Variants in GDPD1 observed in about 807,000 individuals in gnomAD.
GDPD1 encodes the protein glycerophosphodiester phosphodiesterase domain containing 1.
A neutral mutation model predicts 45.1 loss-of-function variants in GDPD1; 28 were observed. The ratio of observed to expected loss-of-function variants is 0.62; its 90% CI spans 0.46 to 0.85. GDPD1 has a LOEUF of 0.85. GDPD1 is among the 40% of genes least tolerant of loss of function. GDPD1 has a pLI of 0.00. For synonymous variants in GDPD1, 139 were observed against 131.4 expected, an observed-to-expected ratio of 1.06 and a Z score of -0.40; for missense variants, 256 against 364.8, an observed-to-expected ratio of 0.70 and a Z score of 2.43.
chr17:59,242,497 A>C (rs2047182419), intron 2 of GDPD1, among the ~76,000 whole-genome samples: 1 of 152,232 alleles, frequency 6.6e-6, no homozygotes, highest in African/African-American at 2.4e-5. Flanking sequence ...ATTCCTACTC[A>C]TCTCACTTAT....
chr17:59,234,671 ATTTC>A (rs2047118401), intron 2 of GDPD1, 137 bp downstream of exon 2: 1 of 641,662 alleles, frequency 1.6e-6, no homozygotes, highest in Non-Finnish European at 2.7e-6. Flanking sequence ...TTTTGTTAAA[ATTTC>A]TTTTTTTAAT....
At chr17:59,229,341 A>G (rs1345808637) in intron 1 of GDPD1, among the ~76,000 whole-genome samples, 2 of 149,894 alleles carry the variant, frequency 1.3e-5, no homozygotes, top group South Asian at 2.1e-4. Flanking sequence ...TTTTTGACAC[A>G]GAAGTGCCTG....
intron 1 of GDPD1, among the ~76,000 whole-genome samples, chr17:59,231,117 C>T (rs1028612684): frequency 5.3e-5 from 8 of 152,190 alleles, no homozygotes; most frequent in East Asian, 1.9e-4. Flanking sequence ...ACCAGCGGCT[C>T]GTGCTCACTG....
At chr17:59,262,897 G>A (rs2047368842) in intron 6 of GDPD1, among the ~76,000 whole-genome samples, 1 of 151,954 alleles carries the variant, frequency 6.6e-6, no homozygotes, top group Non-Finnish European at 1.5e-5. Context: ...CACAGTGCTG[G>A]GATTACAGGC....
intron 2 of GDPD1, among the ~76,000 whole-genome samples, chr17:59,244,900 G>A (rs963070061): frequency 1.3e-5 from 2 of 152,118 alleles, no homozygotes; most frequent in African/African-American, 4.8e-5. Context: ...GTAGGCTGAG[G>A]CAGGAGGATC....
chr17:59,265,531 T>A (rs990918609), intron 6 of GDPD1, among the ~76,000 whole-genome samples: 1 of 151,474 alleles, frequency 6.6e-6, no homozygotes, highest in African/African-American at 2.4e-5. Flanking sequence ...CGAGACCCTG[T>A]CTAATATATA....
intron 4 of GDPD1, among the ~76,000 whole-genome samples, chr17:59,249,935 A>G (rs531201315): frequency 1.8e-4 from 27 of 152,260 alleles, no homozygotes; most frequent in African/African-American, 6.3e-4. Flanking sequence ...CTCTAGTCCC[A>G]GCTACTTGGG....
At chr17:59,232,460 A>T (rs2047098847) in intron 1 of GDPD1, among the ~76,000 whole-genome samples, 1 of 152,176 alleles carries the variant, frequency 6.6e-6, no homozygotes, top group Non-Finnish European at 1.5e-5. Flanking sequence ...AAAAAAAAAA[A>T]AAAAATTTGT....
intron 2 of GDPD1, among the ~76,000 whole-genome samples, chr17:59,237,273 AAGCTGTAGTCAC>A (rs1411507948): frequency 1.3e-5 from 2 of 152,046 alleles, no homozygotes; most frequent in African/African-American, 4.8e-5. Context: ...GTGGTGGTGC[AAGCTGTAGTCAC>A]AGCTACTCTG....
Position 59,220,648 on chromosome 17 carries a change from A to G in GDPD1, c.39A>G (p.Leu13=), listed in dbSNP as rs2046996285. 2.5e-6 allele frequency: 4 copies of G among 1,614,110 alleles called. No homozygotes were observed. In the Middle Eastern group the frequency reaches 6.6e-4, roughly 266 times the overall value. ...CGGCTTTTTACCTTCTCTCTACGCT[A>G]GGAGGATACTTGGTGACCTCATTCT... The part of the protein sequence containing the change: ...STAAFYLLST[L]GGYLVTSFLL... The change falls in exon 1 of 10, where the codon CTA becomes CTG. Residue 13 remains leucine, a synonymous_variant. Transcript: ENST00000284116.
At chr17:59,235,172 A>G (rs1404103343) in intron 2 of GDPD1, among the ~76,000 whole-genome samples, 1 of 152,258 alleles carries the variant, frequency 6.6e-6, no homozygotes, top group South Asian at 2.1e-4. Flanking sequence ...TGAAAAATAA[A>G]GCAAAGGATG....
At chr17:59,225,009 C>G (rs1432058712) in intron 1 of GDPD1, among the ~76,000 whole-genome samples, 1 of 151,364 alleles carries the variant, frequency 6.6e-6, no homozygotes, top group Admixed American at 6.6e-5. Context: ...TCTTTTCATA[C>G]ATTATTTTAT....
chr17:59,272,277 AC>A (rs1223932373), intron 8 of GDPD1, among the ~76,000 whole-genome samples: 4 of 152,198 alleles, frequency 2.6e-5, no homozygotes, highest in African/African-American at 9.6e-5. Context: ...GTTACTTGGA[AC>A]AAAAAAATAT....
intron 6 of GDPD1, among the ~76,000 whole-genome samples, chr17:59,258,551 C>G (rs1486883848): frequency 6.6e-6 from 1 of 151,896 alleles, no homozygotes; most frequent in Non-Finnish European, 1.5e-5. Flanking sequence ...TCAAAAAAAA[C>G]AAACAAACAC....
In GDPD1 at chr17:59,263,076, A is replaced by G. The variant is rs115065926; in HGVS notation, c.577-3965A>G. ...GTAGTCTAATGAACAGTAAGGTACC[A>G]ATGTCAATTCCAGGTCTTGATACTA... On this transcript the variant is annotated intron_variant, in intron 6 of 9. Coordinates refer to ENST00000284116, the MANE Select transcript of GDPD1 (RefSeq NM_182569.4). Among the ~76,000 whole-genome samples the G allele has an allele frequency of 3.1e-3, 476 of 152,318 alleles. 4 individuals are homozygous for G. The highest frequency in any genetic ancestry group is 0.011 in the African/African-American group (455 of 41,588).
rs2047116454 is a variant in GDPD1 at position 59,234,463 on chromosome 17, A to G, written c.143-29A>G. The G allele has an allele frequency of 2.0e-5, 28 of 1,413,816 alleles. No homozygotes were observed. In the East Asian group the frequency reaches 6.1e-4, roughly 31 times the overall value. 87.6% of individuals were successfully genotyped at this position (1,413,816 alleles called of 1,614,324 possible). The stretch of plus-strand genomic sequence containing the variant: ...CTTCAGGAAAATTAAAATGTTCAAA[A>G]TAAGTAAATATAGTTTAAATTTTCA... On this transcript the variant is annotated intron_variant, in intron 1 of 9. Transcript: ENST00000284116.
intron 1 of GDPD1, among the ~76,000 whole-genome samples, chr17:59,230,845 A>G (rs182451711): frequency 6.8e-4 from 103 of 152,338 alleles, no homozygotes; most frequent in African/African-American, 2.0e-3. Flanking sequence ...CTGATGAAAC[A>G]ACACTCTTTT....
rs1568335075 is a variant in GDPD1 at position 59,220,763 on chromosome 17, C to A, written c.142+12C>A. On this transcript the variant is annotated intron_variant, in intron 1 of 9. Coordinates refer to ENST00000284116, the MANE Select transcript of GDPD1 (RefSeq NM_182569.4). ...CTCTCACCGCGGAGGTGAGAGGGGT[C>A]CCCAGAACCCGATGACGGAGGTGGG... 2 of 1,607,948 alleles carry A rather than the reference C, an allele frequency of 1.2e-6. No homozygotes were observed. The highest frequency in any genetic ancestry group is 1.3e-5 in the African/African-American group (1 of 74,920).
In GDPD1 at chr17:59,268,416, A is replaced by T. The variant is rs1027477090; in HGVS notation, c.710+1242A>T. 4.6e-5 allele frequency among the ~76,000 whole-genome samples: 7 copies of T among 151,680 alleles called. 1 individual carries two copies. The highest frequency in any genetic ancestry group is 4.6e-4 in the Admixed American group (7 of 15,220). On this transcript the variant is annotated intron_variant, in intron 7 of 9. Coordinates refer to ENST00000284116, the MANE Select transcript of GDPD1 (RefSeq NM_182569.4). ...ACGGTGAAACCCCGTCTCCACTAAAAATACAAAAAAAAATTCTCCGGGCGT... is the reference window on the plus strand; with the variant it reads ...ACGGTGAAACCCCGTCTCCACTAAATATACAAAAAAAAATTCTCCGGGCGT...
Sources: gnomAD v4.1 joint callset for allele counts (sites outside exome capture counted in the v4.1 genomes callset) on GRCh38, gnomAD v4.1.1 for gene constraint, MANE v1.5 for transcripts, NCBI Gene and HGNC (gene_info 2026-07-23, HGNC 2026-07-21) for gene names.